The following SNX13 variants were observed in gnomAD, a reference collection of about 807,000 sequenced individuals.
The protein encoded by SNX13 is sorting nexin-13.
Under a neutral mutation model 133.6 loss-of-function variants are expected in SNX13, and 45 were observed. The ratio of observed to expected loss-of-function variants is 0.34; its 90% CI spans 0.27 to 0.43. The LOEUF (loss-of-function observed/expected upper bound fraction) is 0.43, where lower values mean the gene tolerates loss of function less well. Among genes scored for constraint, SNX13 ranks in the 20% least tolerant of loss-of-function variants. The pLI is 1.00. For synonymous variants in SNX13, 414 were observed against 373.9 expected (o/e 1.11, Z -1.24); for missense variants, 1,032 against 1,145.1 (o/e 0.90, Z 1.43).
chr7:17,874,246 T>C (rs1188706860), intron 7 of SNX13, among the ~76,000 whole-genome samples: 1 of 152,086 alleles, frequency 6.6e-6, no homozygotes, highest in Non-Finnish European at 1.5e-5. Context: ...TTTGTGACAA[T>C]TTAAAAAACT....
intron 2 of SNX13, 116 bp downstream of exon 2, chr7:17,897,218 G>T: frequency 2.0e-6 from 1 of 489,658 alleles, no homozygotes; most frequent in Non-Finnish European, 3.4e-6. Flanking sequence ...TTTAGTAAAA[G>T]CAATTTATTA....
chr7:17,904,387 T>TTCAGTGCTTAATTTAGGCCTAGGTTA (rs1378474877), intron 1 of SNX13, among the ~76,000 whole-genome samples: 4 of 152,170 alleles, frequency 2.6e-5, no homozygotes, highest in Admixed American at 1.3e-4. Flanking sequence ...ACACAACTAA[T>TTCAGTGCTTAATTTAGGCCTAGGTTA]TCAGTGCTTA....
intron 9 of SNX13, among the ~76,000 whole-genome samples, chr7:17,865,850 T>C (rs1793334517): frequency 6.6e-6 from 1 of 152,012 alleles, no homozygotes; most frequent in Non-Finnish European, 1.5e-5. Flanking sequence ...TCACAGTAAA[T>C]TCACTTTTTA....
At chr7:17,812,988 G>C (rs571010741) in intron 20 of SNX13, among the ~76,000 whole-genome samples, 5 of 152,078 alleles carry the variant, frequency 3.3e-5, no homozygotes, top group Non-Finnish European at 4.4e-5. Context: ...CTAGGGGAGG[G>C]ATAGCATTAG....
At chr7:17,898,754 A>G (rs1283111463) in intron 1 of SNX13, 3 of 152,220 alleles carry the variant, frequency 2.0e-5, no homozygotes, top group Non-Finnish European at 1.5e-5. Flanking sequence ...GAAATCCTGG[A>G]TAAGATTTAT....
chr7:17,820,714 T>C (rs1199115875), intron 18 of SNX13, among the ~76,000 whole-genome samples: 2 of 152,174 alleles, frequency 1.3e-5, no homozygotes, highest in East Asian at 3.8e-4. Flanking sequence ...TAGTACAACG[T>C]CATTTCAAAG....
Position 17,794,092 on chromosome 7 carries a change from TA to T in SNX13, c.2826del (p.Tyr942Ter). The part of the protein sequence containing the change: ...LHSRSKQMQK[Y>X]KQKLQTTQAP... ...GCTTGAGTAGTTTGAAGTTTCTGTT[TA>T]TATTTCTGCATCTGCTTTGACCGTG... On this transcript the variant is annotated frameshift_variant, in exon 26 of 26. Transcript: ENST00000428135. LOFTEE classifies it high-confidence loss of function. The T allele has an allele frequency of 6.2e-7, 1 of 1,611,694 alleles. No individual in the cohort carries two copies. Among genetic ancestry groups the T allele is most frequent in the Non-Finnish European group, 8.5e-7 (1 of 1,178,356 alleles).
chr7:17,856,637 A>G (rs373204069), intron 9 of SNX13, among the ~76,000 whole-genome samples: 234 of 151,960 alleles, frequency 1.5e-3, no homozygotes, highest in African/African-American at 5.2e-3. Context: ...CAAAACAATA[A>G]AAAAATTAGC....
At chr7:17,831,487 A>G in intron 15 of SNX13, 2 of 983,686 alleles carry the variant, frequency 2.0e-6, no homozygotes, top group Non-Finnish European at 2.4e-6. Flanking sequence ...GATAGTAAGC[A>G]CAAGCAAGCC....
chr7:17,834,707 A>G, intron 14 of SNX13, 54 bp downstream of exon 14: 15 of 1,227,392 alleles, frequency 1.2e-5, no homozygotes, highest in Non-Finnish European at 1.7e-5. Flanking sequence ...TACATTACAT[A>G]AAAGTATTTT....
intron 8 of SNX13, among the ~76,000 whole-genome samples, chr7:17,869,322 T>C (rs1057089133): frequency 6.6e-6 from 1 of 152,108 alleles, no homozygotes; most frequent in African/African-American, 2.4e-5. Context: ...AATATTTACC[T>C]TCCTCATCCC....
intron 21 of SNX13, among the ~76,000 whole-genome samples, chr7:17,802,216 T>C (rs1282135981): frequency 6.6e-6 from 1 of 151,998 alleles, no homozygotes; most frequent in Non-Finnish European, 1.5e-5. Context: ...TCTAGGTTTG[T>C]GTAAGTTCAC....
At chr7:17,938,382 G>C (rs1033798351) in intron 1 of SNX13, among the ~76,000 whole-genome samples, 1 of 152,140 alleles carries the variant, frequency 6.6e-6, no homozygotes, top group Non-Finnish European at 1.5e-5. Flanking sequence ...TTTAATAATT[G>C]ACCTTGGACA....
intron 9 of SNX13, 71 bp downstream of exon 9, chr7:17,868,336 A>G: frequency 9.3e-7 from 1 of 1,076,314 alleles, no homozygotes; most frequent in Non-Finnish European, 1.4e-6. Context: ...TAAACACCCT[A>G]TCTCCCAACT....
intron 4 of SNX13, among the ~76,000 whole-genome samples, chr7:17,891,155 C>T (rs1177910609): frequency 6.6e-6 from 1 of 151,806 alleles, no homozygotes; most frequent in East Asian, 1.9e-4. Flanking sequence ...TTACCTATCT[C>T]TAATTTTTTA....
intron 24 of SNX13, 71 bp downstream of exon 24, chr7:17,798,619 G>T (rs1784309204): frequency 8.6e-7 from 1 of 1,168,986 alleles, no homozygotes; most frequent in African/African-American, 1.6e-5. Flanking sequence ...CAAAAGCAAT[G>T]AAAGTTAATT....
chr7:17,865,526 G>A (rs1393049409), intron 9 of SNX13, among the ~76,000 whole-genome samples: 1 of 152,082 alleles, frequency 6.6e-6, no homozygotes, highest in Non-Finnish European at 1.5e-5. Flanking sequence ...TGGATTGGAA[G>A]AATCAATATT....
At chr7:17,858,703 G>A (rs1792241294) in intron 9 of SNX13, among the ~76,000 whole-genome samples, 1 of 152,184 alleles carries the variant, frequency 6.6e-6, no homozygotes, top group Non-Finnish European at 1.5e-5. Context: ...GACTCATACT[G>A]TCCCATTTCA....
intron 5 of SNX13, chr7:17,889,621 G>C (rs1253215477): frequency 1.3e-5 from 2 of 151,862 alleles, no homozygotes; most frequent in Admixed American, 1.3e-4. Context: ...CAAAAAGTTA[G>C]ACATCAAGGA....
Sources: allele counts gnomAD v4.1 joint callset (sites outside exome capture counted in the v4.1 genomes callset), GRCh38; gene constraint gnomAD v4.1.1; transcripts MANE v1.5; gene names NCBI Gene and HGNC (gene_info 2026-07-23, HGNC 2026-07-21).